GNG7: variants seen among roughly 807,000 people sequenced by gnomAD.
GNG7 encodes guanine nucleotide-binding protein G(I)/G(S)/G(O) subunit gamma-7.
GNG7 carries 1 observed loss-of-function variant against 4.0 expected under a neutral mutation model. The ratio of observed to expected loss-of-function variants is 0.25; its 90% CI spans 0.09 to 1.18. GNG7 has a LOEUF of 1.18. Ranked by LOEUF, GNG7 falls within the 50% of genes most tolerant of loss-of-function variation. The probability of loss-of-function intolerance (pLI) is 0.50; values close to 1 mark genes in which losing one functional copy is unlikely to be tolerated. For synonymous variants in GNG7, 34 were observed against 36.9 expected (o/e 0.92, Z 0.29); for missense variants, 86 against 91.9 (o/e 0.94, Z 0.26).
intron 1 of GNG7, among the ~76,000 whole-genome samples, chr19:2,677,445 C>A (rs72978786): frequency 0.012 from 1,750 of 151,844 alleles, 19 homozygotes; most frequent in Non-Finnish European, 0.016. Context: ...GACAACCCCA[C>A]CCCAGAGAAC....
At chr19:2,584,287 T>TA (rs71337152) in intron 2 of GNG7, among the ~76,000 whole-genome samples, 16,211 of 107,426 alleles carry the variant, frequency 0.15, 1,292 homozygotes, top group Middle Eastern at 0.19. Flanking sequence ...CGCAAAGAAT[T>TA]AAAAAAAAAA....
At chr19:2,671,537 C>T (rs546121394) in intron 1 of GNG7, among the ~76,000 whole-genome samples, 5 of 152,188 alleles carry the variant, frequency 3.3e-5, no homozygotes, top group African/African-American at 4.8e-5. Flanking sequence ...GGGGAACGTT[C>T]GTCCTGGCTG....
At chr19:2,679,431 C>A (rs1454944555) in intron 1 of GNG7, among the ~76,000 whole-genome samples, 2 of 152,140 alleles carry the variant, frequency 1.3e-5, no homozygotes, top group Admixed American at 1.3e-4. Flanking sequence ...GACCACCACC[C>A]ATCCAGGTCA....
chr19:2,540,687 G>A (rs552811446), intron 3 of GNG7, among the ~76,000 whole-genome samples: 55 of 152,286 alleles, frequency 3.6e-4, no homozygotes, highest in Non-Finnish European at 4.6e-4. Flanking sequence ...TGTCTCTGCC[G>A]AGCAGACAGC....
At chr19:2,627,022 G>A (rs371978016) in intron 2 of GNG7, among the ~76,000 whole-genome samples, 10 of 152,264 alleles carry the variant, frequency 6.6e-5, no homozygotes, top group South Asian at 6.2e-4. Flanking sequence ...GCATAAACCC[G>A]GGAGCCCCAG....
At chr19:2,699,861 A>G (rs1474961694) in intron 1 of GNG7, among the ~76,000 whole-genome samples, 2 of 152,212 alleles carry the variant, frequency 1.3e-5, no homozygotes, top group Non-Finnish European at 2.9e-5. Flanking sequence ...TGTAAACTCA[A>G]AATTTCAAGC....
At position 2,593,394 on chromosome 19, in the gene GNG7, AAAATAT is replaced by A. The variant is rs1162134979; in HGVS notation, c.-77-38212_-77-38207del. ...AGTATTGAGTCAATTTTTGTTTTTT[AAAATAT>A]TCGTTCTATATATTTACAAGCCTTC... On this transcript the variant is annotated intron_variant, in intron 2 of 4. Transcript: ENST00000382159. 2.0e-5 allele frequency among the ~76,000 whole-genome samples: 3 copies of A among 152,178 alleles called. No individual in the cohort carries two copies. In the East Asian group the frequency reaches 5.8e-4, roughly 29 times the overall value.
At chr19:2,679,899 A>C (rs8106488) in intron 1 of GNG7, among the ~76,000 whole-genome samples, 40,219 of 151,988 alleles carry the variant, frequency 0.26, 5,746 homozygotes, top group East Asian at 0.56. Context: ...GAAACTCAAA[A>C]TCCAATGCCA....
At chr19:2,694,709 G>A (rs1194286627) in intron 1 of GNG7, among the ~76,000 whole-genome samples, 1 of 152,090 alleles carries the variant, frequency 6.6e-6, no homozygotes, top group Non-Finnish European at 1.5e-5. Flanking sequence ...GACCTCAGCA[G>A]GGCAGAGGAT....
At chr19:2,644,125 A>G (rs1982593929) in intron 2 of GNG7, among the ~76,000 whole-genome samples, 1 of 151,736 alleles carries the variant, frequency 6.6e-6, no homozygotes, top group Admixed American at 6.6e-5. Flanking sequence ...CGTTCAAGCA[A>G]TCCTCCCACC....
chr19:2,589,371 C>CTTTTTTTTTTTTTTT (rs33940288), intron 2 of GNG7, among the ~76,000 whole-genome samples: 2 of 100,574 alleles, frequency 2.0e-5, no homozygotes, highest in African/African-American at 3.7e-5. Context: ...TACAGGTGCA[C>CTTTTTTTTTTTTTTT]TTTTTTTTTT....
At chr19:2,581,498 C>T (rs2144791434) in intron 2 of GNG7, among the ~76,000 whole-genome samples, 1 of 152,224 alleles carries the variant, frequency 6.6e-6, no homozygotes, top group South Asian at 2.1e-4. Context: ...GGCCCCCTCC[C>T]TGGTCCCTGG....
intron 1 of GNG7, among the ~76,000 whole-genome samples, chr19:2,690,478 G>A (rs985275943): frequency 3.3e-5 from 5 of 152,190 alleles, no homozygotes; most frequent in South Asian, 2.1e-4. Context: ...GCCCAAGGGC[G>A]GTGGTTACTG....
intron 1 of GNG7, among the ~76,000 whole-genome samples, chr19:2,683,064 C>G (rs1245027708): frequency 3.3e-5 from 5 of 151,988 alleles, no homozygotes; most frequent in African/African-American, 9.7e-5. Context: ...AACCCCATCT[C>G]TTTAAATTTT....
chr19:2,613,461 G>A (rs963911091), intron 2 of GNG7, among the ~76,000 whole-genome samples: 4 of 151,446 alleles, frequency 2.6e-5, no homozygotes, highest in African/African-American at 9.7e-5. Context: ...ATAAACTCCC[G>A]ACGGGGCAGA....
At position 2,553,494 on chromosome 19, in the gene GNG7, A is replaced by C. The variant is rs545065197; in HGVS notation, c.-38+1655T>G. 2.7e-5 allele frequency among the ~76,000 whole-genome samples: 4 copies of C among 146,848 alleles called. No individual in the cohort carries two copies. In the South Asian group the frequency reaches 6.3e-4, roughly 23 times the overall value. On this transcript the variant is annotated intron_variant, in intron 3 of 4. Coordinates refer to ENST00000382159, the MANE Select transcript of GNG7 (RefSeq NM_052847.3). ...TATTATATACTATATATTATATTTT[A>C]TATGTACATCTCATTACATATATGT...
chr19:2,604,901 A>T (rs1038681316), intron 2 of GNG7, among the ~76,000 whole-genome samples: 1 of 152,194 alleles, frequency 6.6e-6, no homozygotes, highest in African/African-American at 2.4e-5. Flanking sequence ...GATGAACTAG[A>T]TTCTGTCGTT....
In GNG7 at chr19:2,598,689, TAATAATAA is replaced by T. The variant is rs1330904976; in HGVS notation, c.-77-43509_-77-43502del. ...ATGAAAAGTAATAAAATAATAATAATAATAATAATAATAATAATAATAATAATAATAAT... is the reference window on the plus strand; with the variant it reads ...ATGAAAAGTAATAAAATAATAATAATTAATAATAATAATAATAATAATAAT... On this transcript the variant is annotated intron_variant, in intron 2 of 4. Coordinates refer to ENST00000382159, the MANE Select transcript of GNG7 (RefSeq NM_052847.3). Among the ~76,000 whole-genome samples, 491 of 103,166 alleles carry T rather than the reference TAATAATAA, an allele frequency of 4.8e-3. 3 individuals carry two copies. Among genetic ancestry groups the T allele is most frequent in the African/African-American group, 0.014 (481 of 34,540 alleles). 67.7% of individuals were successfully genotyped at this position (103,166 alleles called of 152,430 possible). A position where few individuals can be genotyped will look rare whatever the true frequency, so the allele number is the denominator to read the frequency against.
In GNG7 at chr19:2,551,425, G is replaced by A. The variant is rs572361290; in HGVS notation, c.-38+3724C>T. On this transcript the variant is annotated intron_variant, in intron 3 of 4. Transcript: ENST00000382159. ...TTTGTGTGGGGGCCGGGACTAGGGTGAGGCCATGCGGCACTCACCTTGGGG... is the reference window on the plus strand; with the variant it reads ...TTTGTGTGGGGGCCGGGACTAGGGTAAGGCCATGCGGCACTCACCTTGGGG... Among the ~76,000 whole-genome samples, 30 of 152,074 alleles carry A rather than the reference G, an allele frequency of 2.0e-4. No individual in the cohort carries two copies. The South Asian group carries it at 5.6e-3, about 28-fold the overall frequency.
Sources: gnomAD v4.1 joint callset for allele counts (sites outside exome capture counted in the v4.1 genomes callset) on GRCh38, gnomAD v4.1.1 for gene constraint, MANE v1.5 for transcripts, NCBI Gene and HGNC (gene_info 2026-07-23, HGNC 2026-07-21) for gene names.